The following SIPA1L3 variants were observed in gnomAD, a reference collection of about 807,000 sequenced individuals.
SIPA1L3 encodes the protein signal induced proliferation associated 1 like 3.
A neutral mutation model predicts 150.1 loss-of-function variants in SIPA1L3; 59 were observed. That is an observed-to-expected ratio of 0.39 (90% CI 0.32 to 0.49). The LOEUF is 0.49. Among genes scored for constraint, SIPA1L3 ranks in the 20% least tolerant of loss-of-function variants. SIPA1L3 has a pLI of 0.86. For missense variants in SIPA1L3, 2,211 were observed against 2,489.5 expected (o/e 0.89, Z 2.38); for synonymous variants, 1,070 against 1,077.6 (o/e 0.99, Z 0.14).
At chr19:38,159,553 G>A (rs1972029063) in intron 13 of SIPA1L3, among the ~76,000 whole-genome samples, 4 of 152,212 alleles carry the variant, frequency 2.6e-5, no homozygotes, top group Admixed American at 2.0e-4. Context: ...CCTGCCCATC[G>A]GGCACTCACT....
intron 10 of SIPA1L3, 67 bp downstream of exon 10, chr19:38,130,839 C>A: frequency 1.3e-6 from 2 of 1,508,348 alleles, no homozygotes; most frequent in East Asian, 2.3e-5. Context: ...TGAGGCCTCC[C>A]TGGCACTGTC....
intron 1 of SIPA1L3, among the ~76,000 whole-genome samples, chr19:37,950,076 CAAAAAAAAAAA>C (rs35506284): frequency 1.8e-5 from 1 of 55,708 alleles, no homozygotes; most frequent in African/African-American, 6.1e-5. Context: ...GACTGTGTCT[CAAAAAAAAAAA>C]AAAAAAAAAA....
In SIPA1L3 at chr19:37,947,368, A is replaced by G. The variant is rs556884267; in HGVS notation, c.-379+40010A>G. Among the ~76,000 whole-genome samples, 250 of 151,608 alleles carry G rather than the reference A, an allele frequency of 1.6e-3. 1 individual carries two copies. The East Asian group carries it at 0.02, about 12-fold the overall frequency. ...GCTGGGTGTGGTGGCAGGCACCTGT[A>G]GTCCCAGCTACTCAGGAGGCTGAGA... On this transcript the variant is annotated intron_variant, in intron 1 of 21. Coordinates refer to ENST00000222345, the MANE Select transcript of SIPA1L3 (RefSeq NM_015073.3).
intron 1 of SIPA1L3, among the ~76,000 whole-genome samples, chr19:38,007,514 G>A (rs1417060385): frequency 1.3e-5 from 2 of 151,634 alleles, no homozygotes; most frequent in East Asian, 3.9e-4. Context: ...GCCCGGGGGA[G>A]GGGGGATTTT....
At chr19:37,997,568 TAAAAAA>T (rs71177495) in intron 1 of SIPA1L3, among the ~76,000 whole-genome samples, 1 of 83,880 alleles carries the variant, frequency 1.2e-5, no homozygotes, top group Admixed American at 1.6e-4. Context: ...ACTGTCTCAT[TAAAAAA>T]AAAAAAAAAA....
intron 1 of SIPA1L3, among the ~76,000 whole-genome samples, chr19:37,984,044 G>A (rs1434612642): frequency 1.3e-5 from 2 of 152,194 alleles, no homozygotes; most frequent in Non-Finnish European, 2.9e-5. Context: ...TTCTTTGTGG[G>A]AGAAGTTGGG....
At chr19:38,193,834 G>T in intron 18 of SIPA1L3, 54 bp downstream of exon 18, 5 of 1,476,880 alleles carry the variant, frequency 3.4e-6, no homozygotes, top group Non-Finnish European at 4.4e-6. Context: ...GTTGGGAGGT[G>T]GGGATGCCCG....
intron 5 of SIPA1L3, 107 bp downstream of exon 5, chr19:38,100,257 A>T: frequency 2.3e-6 from 2 of 873,284 alleles, no homozygotes; most frequent in Non-Finnish European, 3.3e-6. Context: ...TGCAAGTAAC[A>T]GAAACCTACT....
intron 8 of SIPA1L3, among the ~76,000 whole-genome samples, chr19:38,116,779 G>A (rs1008090809): frequency 6.6e-6 from 1 of 151,878 alleles, no homozygotes; most frequent in African/African-American, 2.4e-5. Flanking sequence ...GACTGAACCC[G>A]GGAGGTGGAG....
intron 1 of SIPA1L3, among the ~76,000 whole-genome samples, chr19:37,973,392 A>G (rs1966987640): frequency 6.6e-6 from 1 of 151,630 alleles, no homozygotes; most frequent in Admixed American, 6.6e-5. Flanking sequence ...ATCTGCCACC[A>G]TGCCCAGCTG....
At chr19:38,161,429 T>A (rs1443789884) in intron 13 of SIPA1L3, among the ~76,000 whole-genome samples, 3 of 149,064 alleles carry the variant, frequency 2.0e-5, no homozygotes, top group African/African-American at 7.5e-5. Context: ...ACCAATAAGA[T>A]AAAAGATAGT....
At chr19:38,126,136 T>TGCACTCCA (rs1363684190) in intron 9 of SIPA1L3, among the ~76,000 whole-genome samples, 4 of 151,836 alleles carry the variant, frequency 2.6e-5, no homozygotes, top group African/African-American at 9.7e-5. Context: ...ATTGCACCAC[T>TGCACTCCA]GCACTCCAGC....
Position 38,060,384 on chromosome 19 carries a change from G to GA in SIPA1L3, c.-310-20864dup, listed in dbSNP as rs1357425486. Among the ~76,000 whole-genome samples the GA allele has an allele frequency of 4.6e-5, 7 of 151,872 alleles. No homozygotes were observed. In the East Asian group the frequency reaches 7.7e-4, roughly 17 times the overall value. On this transcript the variant is annotated intron_variant, in intron 2 of 21. Coordinates refer to ENST00000222345, the MANE Select transcript of SIPA1L3 (RefSeq NM_015073.3). ...TGTACATTTTGTTTAATGAGTATTAGAAAAAAAATAAAACGAATCCAACAT... is the reference window on the plus strand; with the variant it reads ...TGTACATTTTGTTTAATGAGTATTAGAAAAAAAAATAAAACGAATCCAACAT...
intron 18 of SIPA1L3, among the ~76,000 whole-genome samples, chr19:38,196,220 T>C (rs771034462): frequency 1.3e-5 from 2 of 152,234 alleles, no homozygotes; most frequent in Non-Finnish European, 2.9e-5. Flanking sequence ...GTGCTCCTGA[T>C]GCCCTGCTCA....
Position 38,110,387 on chromosome 19 carries a change from A to G in SIPA1L3, c.2291+3A>G. On this transcript the variant is annotated splice_donor_region_variant and intron_variant, in intron 8 of 21. Transcript: ENST00000222345. ...TGCACTGATAACGTCTGTTACAGGT[A>G]TGCCCCCCACACCCGGCCCCCAGCA... The G allele has an allele frequency of 6.2e-7, 1 of 1,611,216 alleles. No individual in the cohort carries two copies. The highest frequency in any genetic ancestry group is 8.5e-7 in the Non-Finnish European group (1 of 1,177,940).
At chr19:37,999,406 G>A (rs1967728462) in intron 1 of SIPA1L3, among the ~76,000 whole-genome samples, 1 of 152,132 alleles carries the variant, frequency 6.6e-6, no homozygotes, top group Non-Finnish European at 1.5e-5. Context: ...ATTAACTCCA[G>A]CCCCGCTCCT....
chr19:38,187,887 T>C (rs1461863155), intron 16 of SIPA1L3, among the ~76,000 whole-genome samples: 1 of 151,134 alleles, frequency 6.6e-6, no homozygotes, highest in Non-Finnish European at 1.5e-5. Flanking sequence ...GTCTCAGCTA[T>C]TGGGAGGCTG....
At chr19:38,104,630 A>G (rs968239887) in intron 6 of SIPA1L3, among the ~76,000 whole-genome samples, 2 of 151,986 alleles carry the variant, frequency 1.3e-5, no homozygotes, top group African/African-American at 4.8e-5. Context: ...GGAGTGCATT[A>G]GAACGATCTT....
At chr19:38,148,835 CCAAACCCTTTA>C (rs1445180699) in intron 12 of SIPA1L3, among the ~76,000 whole-genome samples, 1 of 152,148 alleles carries the variant, frequency 6.6e-6, no homozygotes, top group Non-Finnish European at 1.5e-5. Context: ...TCCCAAAACA[CCAAACCCTTTA>C]TAAAGTGAGT....
Sources: allele counts gnomAD v4.1 joint callset (sites outside exome capture counted in the v4.1 genomes callset), GRCh38; gene constraint gnomAD v4.1.1; transcripts MANE v1.5; gene names NCBI Gene and HGNC (gene_info 2026-07-23, HGNC 2026-07-21).